The following ARHGAP26 variants were observed in gnomAD, a reference collection of about 807,000 sequenced individuals.
ARHGAP26 encodes the protein Rho GTPase activating protein 26.
In ARHGAP26, 38 loss-of-function variants were observed where a neutral mutation model predicts 104.8. That is an observed-to-expected ratio of 0.36 (90% CI 0.28 to 0.48). The LOEUF (loss-of-function observed/expected upper bound fraction) is 0.48, where lower values mean the gene tolerates loss of function less well. Ranked by LOEUF, ARHGAP26 falls within the 20% of genes least tolerant of loss-of-function variation. The pLI is 0.99. For missense variants in ARHGAP26, 704 were observed against 947.9 expected, an observed-to-expected ratio of 0.74 and a Z score of 3.38; for synonymous variants, 341 against 340.0, an observed-to-expected ratio of 1.00 and a Z score of -0.03.
At chr5:142,975,655 G>A (rs915919162) in intron 11 of ARHGAP26, among the ~76,000 whole-genome samples, 1 of 151,958 alleles carries the variant, frequency 6.6e-6, no homozygotes, top group Non-Finnish European at 1.5e-5. Flanking sequence ...TCTCCCAATC[G>A]ACAGTCAGTA....
intron 10 of ARHGAP26, among the ~76,000 whole-genome samples, chr5:142,923,525 T>C (rs77601594): frequency 0.019 from 2,831 of 152,340 alleles, 89 homozygotes; most frequent in African/African-American, 0.064. Context: ...CAGTGAATAA[T>C]GCCTTGTCCT....
chr5:142,970,399 T>A (rs892243819), intron 11 of ARHGAP26, among the ~76,000 whole-genome samples: 1 of 152,228 alleles, frequency 6.6e-6, no homozygotes, highest in Non-Finnish European at 1.5e-5. Flanking sequence ...ATTCCAGAAG[T>A]AGCCTTTGAC....
At chr5:143,013,152 A>G (rs10050379) in intron 11 of ARHGAP26, among the ~76,000 whole-genome samples, 22,967 of 152,192 alleles carry the variant, frequency 0.15, 3,629 homozygotes, top group African/African-American at 0.4. Context: ...CAATTAAGCT[A>G]AATATCAACC....
At chr5:142,918,587 A>G (rs747958174) in intron 10 of ARHGAP26, among the ~76,000 whole-genome samples, 1 of 152,164 alleles carries the variant, frequency 6.6e-6, no homozygotes, top group African/African-American at 2.4e-5. Context: ...TGGCTTCTAC[A>G]TGATTTCAGA....
At position 142,975,225 on chromosome 5, in the gene ARHGAP26, C is replaced by T. The variant is rs116028318; in HGVS notation, c.1108-38855C>T. Among the ~76,000 whole-genome samples, 277 of 152,174 alleles carry T rather than the reference C, an allele frequency of 1.8e-3. 1 individual carries two copies. The highest frequency in any genetic ancestry group is 6.4e-3 in the African/African-American group (264 of 41,538). On this transcript the variant is annotated intron_variant, in intron 11 of 22. Transcript: ENST00000645722. ...GCATGGACTTGGAAAAGCTGCTCAC[C>T]CCTCCTAGGCCTGTGGTTCTGCAGC... is the stretch of plus-strand genomic sequence containing the variant.
intron 12 of ARHGAP26, among the ~76,000 whole-genome samples, chr5:143,035,699 G>T (rs1782524263): frequency 6.6e-6 from 1 of 152,106 alleles, no homozygotes; most frequent in Non-Finnish European, 1.5e-5. Context: ...ATTTTGGGAG[G>T]CCGAGGCGGG....
At chr5:142,992,689 G>A (rs1775796498) in intron 11 of ARHGAP26, among the ~76,000 whole-genome samples, 1 of 152,122 alleles carries the variant, frequency 6.6e-6, no homozygotes, top group Non-Finnish European at 1.5e-5. Flanking sequence ...GCCTCCCAAA[G>A]TGCTAGCATT....
intron 22 of ARHGAP26, among the ~76,000 whole-genome samples, chr5:143,215,435 T>C (rs1273693720): frequency 1.3e-5 from 2 of 152,270 alleles, no homozygotes; most frequent in Admixed American, 6.5e-5. Context: ...TTTTGGTGAG[T>C]GCAGCCTTCT....
intron 17 of ARHGAP26, among the ~76,000 whole-genome samples, chr5:143,066,364 G>A (rs1300654361): frequency 2.6e-5 from 4 of 152,216 alleles, no homozygotes; most frequent in Admixed American, 1.3e-4. Context: ...ATTGTTAAGC[G>A]ATGCGTGACT....
rs1306598155 is a variant in ARHGAP26 at position 143,225,837 on chromosome 5, C to G, written c.*3391C>G. 1 of 228,338 alleles carries G rather than the reference C, an allele frequency of 4.4e-6. No homozygotes were observed. Among genetic ancestry groups the G allele is most frequent in the East Asian group, 6.2e-5 (1 of 16,020 alleles). The allele number at this position is 228,338 out of a possible 1,614,324, so 14.1% of individuals were successfully genotyped here. A position where few individuals can be genotyped will look rare whatever the true frequency, so the allele number is the denominator to read the frequency against. On this transcript the variant is annotated 3_prime_UTR_variant, in exon 23 of 23. Coordinates refer to ENST00000645722, the MANE Select transcript of ARHGAP26 (RefSeq NM_001135608.3). ...CCCTTGACAGATGGCTTCTCTGTTT[C>G]CCTTTGCCCAGCCAGGCTCCCCTCC... is the stretch of plus-strand genomic sequence containing the variant.
rs1187442703 is a variant in ARHGAP26 at position 142,913,249 on chromosome 5, C to T, written c.984C>T (p.Asp328=). ...ILKSCTRRKT[D]SIEKRFCFDV... Reference sequence around the variant, plus strand: ...AATCCTGCACACGGCGGAAAACAGACTCCATTGAGAAGAGGTTTTGCTTTG... The same window carrying T: ...AATCCTGCACACGGCGGAAAACAGATTCCATTGAGAAGAGGTTTTGCTTTG... Residue 328 remains aspartate (D), a synonymous_variant, in exon 10 of 23, where the codon GAC becomes GAT. Coordinates refer to ENST00000645722, the MANE Select transcript of ARHGAP26 (RefSeq NM_001135608.3). 4 of 1,614,078 alleles carry T rather than the reference C, an allele frequency of 2.5e-6. No homozygotes were observed. The highest frequency in any genetic ancestry group is 3.4e-6 in the Non-Finnish European group (4 of 1,180,020).
rs143283855 is a variant in ARHGAP26 at position 143,034,501 on chromosome 5, C to G, written c.1145-2695C>G. Among the ~76,000 whole-genome samples, 256 of 152,196 alleles carry G rather than the reference C, an allele frequency of 1.7e-3. 1 individual carries two copies. The highest frequency in any genetic ancestry group is 5.8e-3 in the African/African-American group (242 of 41,520). ...GTAAAAGGAGCTAGACATAAAAGAC[C>G]GCATCGTGTATGATTCCCATTTATG... On this transcript the variant is annotated intron_variant, in intron 12 of 22. Transcript: ENST00000645722.
chr5:142,879,653 G>A (rs987484113), intron 4 of ARHGAP26, among the ~76,000 whole-genome samples: 4 of 152,350 alleles, frequency 2.6e-5, no homozygotes, highest in African/African-American at 9.6e-5. Flanking sequence ...GTCAACCCCG[G>A]AGGGGCCATT....
intron 10 of ARHGAP26, among the ~76,000 whole-genome samples, chr5:142,920,662 G>C (rs1763078355): frequency 6.6e-6 from 1 of 152,176 alleles, no homozygotes; most frequent in South Asian, 2.1e-4. Context: ...GTACTCTCTA[G>C]AGGTGGGCAG....
intron 11 of ARHGAP26, among the ~76,000 whole-genome samples, chr5:142,998,242 G>A (rs926480234): frequency 6.6e-6 from 1 of 152,112 alleles, no homozygotes; most frequent in African/African-American, 2.4e-5. Flanking sequence ...TTTATGTTAA[G>A]ATTAGTACAG....
intron 14 of ARHGAP26, among the ~76,000 whole-genome samples, chr5:143,045,955 A>C (rs984076236): frequency 1.3e-5 from 2 of 152,150 alleles, no homozygotes; most frequent in African/African-American, 4.8e-5. Context: ...CAAATAGTGA[A>C]ACCCTTTCTC....
At chr5:143,174,723 AT>A (rs1394233290) in intron 20 of ARHGAP26, among the ~76,000 whole-genome samples, 1 of 152,222 alleles carries the variant, frequency 6.6e-6, no homozygotes, top group African/African-American at 2.4e-5. Context: ...TCATATGAGT[AT>A]TTTAAATTTG....
chr5:143,058,481 G>C (rs752421118), intron 17 of ARHGAP26, among the ~76,000 whole-genome samples: 3 of 152,220 alleles, frequency 2.0e-5, no homozygotes, highest in Non-Finnish European at 4.4e-5. Context: ...TTCCCGTGCT[G>C]CATTCATCAC....
intron 12 of ARHGAP26, among the ~76,000 whole-genome samples, chr5:143,026,165 G>A (rs1781026438): frequency 6.6e-6 from 1 of 152,206 alleles, no homozygotes; most frequent in Admixed American, 6.5e-5. Flanking sequence ...CTGGAATGTG[G>A]AGACTTTTGG....
Sources: allele counts gnomAD v4.1 joint callset (sites outside exome capture counted in the v4.1 genomes callset), GRCh38; gene constraint gnomAD v4.1.1; transcripts MANE v1.5; gene names NCBI Gene and HGNC (gene_info 2026-07-23, HGNC 2026-07-21).